The following EPHA6 variants were observed in gnomAD, a reference collection of about 807,000 sequenced individuals.
EPHA6 encodes ephrin type-A receptor 6.
In EPHA6, 50 loss-of-function variants were observed where a neutral mutation model predicts 112.0. The observed-to-expected ratio is 0.45, with a 90% CI of 0.36 to 0.56. EPHA6 has a LOEUF of 0.56. Ranked by LOEUF, EPHA6 falls within the 20% of genes least tolerant of loss-of-function variation. EPHA6 has a pLI of 0.00. For synonymous variants in EPHA6, 529 were observed against 490.7 expected, an observed-to-expected ratio of 1.08 and a Z score of -1.03; for missense variants, 1,280 against 1,417.4, an observed-to-expected ratio of 0.90 and a Z score of 1.56.
At chr3:97,305,652 G>T (rs2081286936) in intron 5 of EPHA6, among the ~76,000 whole-genome samples, 2 of 151,976 alleles carry the variant, frequency 1.3e-5, no homozygotes, top group Non-Finnish European at 2.9e-5. Flanking sequence ...TCCCTTATAA[G>T]TGAGAGCTGA....
intron 5 of EPHA6, among the ~76,000 whole-genome samples, chr3:97,378,592 C>T (rs2109010578): frequency 6.6e-6 from 1 of 152,286 alleles, no homozygotes; most frequent in Non-Finnish European, 1.5e-5. Context: ...AGACTGTGCC[C>T]TTCAAAGCCA....
At chr3:97,248,866 A>G (rs1314974537) in intron 5 of EPHA6, among the ~76,000 whole-genome samples, 1 of 152,158 alleles carries the variant, frequency 6.6e-6, no homozygotes, top group Non-Finnish European at 1.5e-5. Flanking sequence ...AGTCTATTTC[A>G]AATGCCAACC....
chr3:97,271,921 T>A (rs554412488), intron 5 of EPHA6, among the ~76,000 whole-genome samples: 2 of 152,190 alleles, frequency 1.3e-5, no homozygotes, highest in Admixed American at 1.3e-4. Flanking sequence ...ATCATTTGTG[T>A]GTAGATGGGG....
chr3:97,364,344 G>GT (rs61089323), intron 5 of EPHA6, among the ~76,000 whole-genome samples: 2,702 of 136,166 alleles, frequency 0.02, 55 homozygotes, highest in African/African-American at 0.053. Context: ...TGGAGTTTTA[G>GT]TTTTTTTTTT....
intron 2 of EPHA6, among the ~76,000 whole-genome samples, chr3:96,873,318 C>A (rs1476309994): frequency 6.6e-6 from 1 of 151,554 alleles, no homozygotes; most frequent in Non-Finnish European, 1.5e-5. Flanking sequence ...CTCTCCAATT[C>A]TGGGGCAGTG....
In EPHA6 at chr3:97,391,529, A is replaced by G. The variant is rs2086396706; in HGVS notation, c.1607-13621A>G. Among the ~76,000 whole-genome samples, 2 of 151,958 alleles carry G rather than the reference A, an allele frequency of 1.3e-5. 1 individual carries two copies. Among genetic ancestry groups the G allele is most frequent in the South Asian group, 4.1e-4 (2 of 4,830 alleles). ...TGAGAAGTGCTGTACCTACTAAGTTACAGTGTATATTAAGTTATTCAATGT... is the reference window on the plus strand; with the variant it reads ...TGAGAAGTGCTGTACCTACTAAGTTGCAGTGTATATTAAGTTATTCAATGT... On this transcript the variant is annotated intron_variant, in intron 5 of 17. Transcript: ENST00000389672.
intron 16 of EPHA6, among the ~76,000 whole-genome samples, chr3:97,741,553 C>G (rs2035505651): frequency 6.6e-6 from 1 of 151,982 alleles, no homozygotes; most frequent in Non-Finnish European, 1.5e-5. Context: ...GTCACTTAAT[C>G]CTCACTGTTA....
At chr3:97,574,970 A>G (rs928752427) in intron 11 of EPHA6, among the ~76,000 whole-genome samples, 3 of 152,030 alleles carry the variant, frequency 2.0e-5, no homozygotes, top group South Asian at 4.1e-4. Context: ...ACATTATGCA[A>G]TATACCCATT....
In EPHA6 at chr3:97,304,038, C is replaced by A. The variant is rs139827521; in HGVS notation, c.1606+59751C>A. Among the ~76,000 whole-genome samples the A allele has an allele frequency of 3.6e-3, 548 of 152,026 alleles. 1 individual carries two copies. The highest frequency in any genetic ancestry group is 0.012 in the African/African-American group (512 of 41,500). ...GGGAGTTCATTTATGATTTGGCTCT[C>A]TGCTTGTCTATTGTTGGTGTATACA... On this transcript the variant is annotated intron_variant, in intron 5 of 17. Transcript: ENST00000389672.
At chr3:97,612,275 A>T (rs1221484013) in intron 13 of EPHA6, 1 of 291,724 alleles carries the variant, frequency 3.4e-6, no homozygotes, top group East Asian at 7.9e-5. Context: ...TGTTTCTTCA[A>T]AAACTCATTC....
At chr3:97,039,771 C>T (rs1207688149) in intron 3 of EPHA6, among the ~76,000 whole-genome samples, 2 of 151,924 alleles carry the variant, frequency 1.3e-5, no homozygotes, top group African/African-American at 4.8e-5. Context: ...AGCTTTTAAT[C>T]CTGATGTTTT....
intron 3 of EPHA6, among the ~76,000 whole-genome samples, chr3:97,204,479 T>C (rs901531303): frequency 6.6e-6 from 1 of 152,104 alleles, no homozygotes; most frequent in African/African-American, 2.4e-5. Flanking sequence ...ATTAACTAAC[T>C]TGTCTAAGGT....
chr3:97,327,905 GTA>G lies in EPHA6; in HGVS notation c.1607-77237_1607-77236del, dbSNP rs548084867. Among the ~76,000 whole-genome samples the G allele has an allele frequency of 8.4e-3, 1,067 of 126,490 alleles. 5 individuals are homozygous for G. The highest frequency in any genetic ancestry group is 0.015 in the Admixed American group (182 of 12,104). The allele number at this position is 126,490 out of a possible 152,430, so 83.0% of individuals were successfully genotyped here. A position where few individuals can be genotyped will look rare whatever the true frequency, so the allele number is the denominator to read the frequency against. On this transcript the variant is annotated intron_variant, in intron 5 of 17. Coordinates refer to ENST00000389672, the MANE Select transcript of EPHA6 (RefSeq NM_001080448.3). ...TGTGTGTATATATATGTATATGTGT[GTA>G]TATATATGTATATGTGCATATATAT...
chr3:97,238,928 G>A (rs2078760869), intron 4 of EPHA6, among the ~76,000 whole-genome samples: 1 of 151,766 alleles, frequency 6.6e-6, no homozygotes, highest in Non-Finnish European at 1.5e-5. Context: ...ATGGTATTTG[G>A]TCTATTCGAT....
intron 2 of EPHA6, 72 bp downstream of exon 2, chr3:96,866,961 T>G (rs756328123): frequency 3.6e-4 from 305 of 839,340 alleles, no homozygotes; most frequent in Non-Finnish European, 4.6e-4. Flanking sequence ...GATGGAACAG[T>G]GAATTTTGGG....
intron 3 of EPHA6, among the ~76,000 whole-genome samples, chr3:97,187,855 CCT>C (rs2077198317): frequency 1.3e-5 from 2 of 152,116 alleles, no homozygotes; most frequent in Admixed American, 1.3e-4. Flanking sequence ...GAGGTGCAGT[CCT>C]CTTAGTTTGG....
intron 3 of EPHA6, among the ~76,000 whole-genome samples, chr3:96,994,587 C>T (rs2612274): frequency 0.061 from 9,301 of 151,486 alleles, 315 homozygotes; most frequent in Middle Eastern, 0.12. Flanking sequence ...TAATAAGCTC[C>T]TCTTAAACAT....
chr3:97,566,220 T>C (rs565006183), intron 11 of EPHA6, among the ~76,000 whole-genome samples: 1 of 152,170 alleles, frequency 6.6e-6, no homozygotes, highest in South Asian at 2.1e-4. Context: ...AGATCTTGCA[T>C]GAACTAACTG....
rs774255860 is a variant in EPHA6 at position 96,985,138 on chromosome 3, C to T, written c.451-2192C>T. Among the ~76,000 whole-genome samples, 44 of 152,142 alleles carry T rather than the reference C, an allele frequency of 2.9e-4. 1 individual carries two copies. Among genetic ancestry groups the T allele is most frequent in the Middle Eastern group, 6.3e-3 (2 of 316 alleles). On this transcript the variant is annotated intron_variant, in intron 2 of 17. Coordinates refer to ENST00000389672, the MANE Select transcript of EPHA6 (RefSeq NM_001080448.3). ...TGTAGAAATCACCCGTCTTCTGTGTCGCTCATGCTAGGAGCTGTAGACTGG... is the reference window on the plus strand; with the variant it reads ...TGTAGAAATCACCCGTCTTCTGTGTTGCTCATGCTAGGAGCTGTAGACTGG...
Sources: gnomAD v4.1 joint callset for allele counts (sites outside exome capture counted in the v4.1 genomes callset) on GRCh38, gnomAD v4.1.1 for gene constraint, MANE v1.5 for transcripts, NCBI Gene and HGNC (gene_info 2026-07-23, HGNC 2026-07-21) for gene names.